MED30: variants seen among roughly 807,000 people sequenced by gnomAD.
MED30 encodes mediator complex subunit 30, also known as mediator of RNA polymerase II transcription subunit 30.
In MED30, 8 loss-of-function variants were observed where a neutral mutation model predicts 21.7. The observed-to-expected ratio is 0.37, with a 90% CI of 0.22 to 0.67. MED30 has a LOEUF of 0.67. MED30 is among the 30% of genes least tolerant of loss of function. MED30 has a pLI of 0.58. For synonymous variants in MED30, 79 were observed against 86.7 expected, an observed-to-expected ratio of 0.91 and a Z score of 0.49; for missense variants, 203 against 228.2, an observed-to-expected ratio of 0.89 and a Z score of 0.71.
chr8:117,523,129 T>C, intron 1 of MED30: 1 of 588,186 alleles, frequency 1.7e-6, no homozygotes, highest in Non-Finnish European at 3.0e-6. Flanking sequence ...TACGCAGAAC[T>C]AAACTTTTTC....
chr8:117,522,556 G>A (rs1165157992), intron 1 of MED30, among the ~76,000 whole-genome samples: 2 of 151,826 alleles, frequency 1.3e-5, no homozygotes, highest in African/African-American at 4.8e-5. Context: ...CCTAGTCAGT[G>A]GTAGGGTAAA....
intron 1 of MED30, among the ~76,000 whole-genome samples, chr8:117,527,629 T>A (rs1818737084): frequency 7.8e-6 from 1 of 128,196 alleles, no homozygotes; most frequent in African/African-American, 2.9e-5. Flanking sequence ...CTTTTCTTTT[T>A]TTCTTTCTTT....
rs1173328840 is a variant in MED30, at chr8:117,520,920, C to T, written c.44C>T (p.Pro15Leu). Reference sequence around the variant, plus strand: ...GCCGCGTCGGGGATGGCGCCCGGGCCCTTCGCCGGGCCCCAGGCTCAGCAG... The same window carrying T: ...GCCGCGTCGGGGATGGCGCCCGGGCTCTTCGCCGGGCCCCAGGCTCAGCAG... ...PLAASGMAPG[P>L]FAGPQAQQAA... The change falls in exon 1 of 4, where the codon CCC becomes CTC. Residue 15 changes from proline (P) to leucine (L), a missense_variant. Physicochemically the swap from Pro to Leu is moderately conservative, Grantham distance 98. Transcript: ENST00000297347. 4.3e-6 allele frequency: 7 copies of T among 1,609,962 alleles called. No homozygotes were observed. Among genetic ancestry groups the T allele is most frequent in the Non-Finnish European group, 4.2e-6 (5 of 1,178,480 alleles).
intron 3 of MED30, among the ~76,000 whole-genome samples, chr8:117,534,850 G>GTTTGTTT (rs1554634556): frequency 8.3e-6 from 1 of 121,048 alleles, no homozygotes; most frequent in Admixed American, 8.8e-5. Context: ...CAAACAAATT[G>GTTTGTTT]TTTTTTTTTT....
intron 1 of MED30, among the ~76,000 whole-genome samples, chr8:117,522,688 T>G (rs1818648948): frequency 6.7e-6 from 1 of 150,328 alleles, no homozygotes; most frequent in Non-Finnish European, 1.5e-5. Flanking sequence ...ATTATAAGAG[T>G]AATTCAGTTT....
chr8:117,537,780 TA>T (rs1818906572), intron 3 of MED30, among the ~76,000 whole-genome samples: 1 of 151,990 alleles, frequency 6.6e-6, no homozygotes, highest in African/African-American at 2.4e-5. Context: ...ATACTGATTA[TA>T]AAGTCTGTTT....
intron 3 of MED30, among the ~76,000 whole-genome samples, chr8:117,537,106 AG>A (rs1220840134): frequency 1.3e-5 from 2 of 152,254 alleles, no homozygotes; most frequent in Non-Finnish European, 2.9e-5. Flanking sequence ...AAATTGAAAA[AG>A]ATAGTAGGTA....
At chr8:117,533,359 T>C (rs925459978) in intron 3 of MED30, among the ~76,000 whole-genome samples, 3 of 152,122 alleles carry the variant, frequency 2.0e-5, no homozygotes, top group African/African-American at 7.2e-5. Context: ...AAGGATATAA[T>C]TGAAACAAGG....
At position 117,528,226 on chromosome 8, in the gene MED30, A is replaced by T. The variant is rs1818747263; in HGVS notation, c.178-425A>T. Among the ~76,000 whole-genome samples, 3 of 151,662 alleles carry T rather than the reference A, an allele frequency of 2.0e-5. No homozygotes were observed. The South Asian group carries it at 6.2e-4, about 31-fold the overall frequency. ...AGAATATTTTTGCAATACCAGCCAT[A>T]TATTCTTCATTTTCTTCCACTAAAA... On this transcript the variant is annotated intron_variant, in intron 1 of 3. Transcript: ENST00000297347.
In MED30 at chr8:117,520,905, G is replaced by T. The variant is rs200864519; in HGVS notation, c.29G>T (p.Gly10Val). 299 of 1,607,584 alleles carry T rather than the reference G, an allele frequency of 1.9e-4. 1 individual carries two copies. The African/African-American group carries it at 3.7e-3, about 20-fold the overall frequency. The change falls in exon 1 of 4, where the codon GGG (glycine) becomes GTG (valine). Residue 10 changes from glycine (G) to valine (V), a missense_variant. Coordinates refer to ENST00000297347, the MANE Select transcript of MED30 (RefSeq NM_080651.4). ...TCCACCCCTCCGTTGGCCGCGTCGGGGATGGCGCCCGGGCCCTTCGCCGGG... is the reference window on the plus strand; with the variant it reads ...TCCACCCCTCCGTTGGCCGCGTCGGTGATGGCGCCCGGGCCCTTCGCCGGG... MSTPPLAAS[G>V]MAPGPFAGPQ...
Position 117,532,562 on chromosome 8 carries a change from G to A in MED30, c.441+1735G>A, listed in dbSNP as rs112648315. 8.6e-3 allele frequency among the ~76,000 whole-genome samples: 1,312 copies of A among 151,944 alleles called. 5 individuals carry two copies. The highest frequency in any genetic ancestry group is 0.027 in the Middle Eastern group (8 of 294). On this transcript the variant is annotated intron_variant, in intron 3 of 3. Transcript: ENST00000297347. Reference sequence around the variant, plus strand: ...CTTTAGAAATAGAAACTTTGGGGGCGAAATTAAGCTAGCTTTTACATTACA... The same window carrying A: ...CTTTAGAAATAGAAACTTTGGGGGCAAAATTAAGCTAGCTTTTACATTACA...
At chr8:117,527,529 C>T (rs1179051895) in intron 1 of MED30, among the ~76,000 whole-genome samples, 1 of 151,736 alleles carries the variant, frequency 6.6e-6, no homozygotes, top group Non-Finnish European at 1.5e-5. Flanking sequence ...CTTTTATCAA[C>T]TATGTATAGG....
intron 1 of MED30, among the ~76,000 whole-genome samples, chr8:117,525,247 G>A (rs191422603): frequency 9.2e-5 from 14 of 151,656 alleles, no homozygotes; most frequent in Admixed American, 3.9e-4. Flanking sequence ...ATTTCTCCTA[G>A]TTTGACTGAG....
At chr8:117,538,244 A>G (rs1264562369) in intron 3 of MED30, among the ~76,000 whole-genome samples, 1 of 152,288 alleles carries the variant, frequency 6.6e-6, no homozygotes, top group East Asian at 1.9e-4. Context: ...TTTCCCGAAG[A>G]CTGTGTTAAA....
intron 1 of MED30, among the ~76,000 whole-genome samples, chr8:117,524,574 A>T (rs761875963): frequency 2.7e-4 from 41 of 152,300 alleles, no homozygotes; most frequent in Admixed American, 5.9e-4. Context: ...GGAAGATACC[A>T]TTGCTTTTGT....
intron 1 of MED30, among the ~76,000 whole-genome samples, chr8:117,525,045 C>G (rs908534188): frequency 3.9e-5 from 6 of 152,176 alleles, no homozygotes; most frequent in African/African-American, 1.4e-4. Context: ...CAAATAACCT[C>G]CTACACAAAT....
At chr8:117,523,210 GT>G (rs369071775) in intron 1 of MED30, 29,551 of 597,518 alleles carry the variant, frequency 0.049, 306 homozygotes, top group African/African-American at 0.12. Flanking sequence ...TTTTTTTTAA[GT>G]TTTTTTTTTT....
At chr8:117,525,072 C>G (rs796269466) in intron 1 of MED30, among the ~76,000 whole-genome samples, 1 of 152,082 alleles carries the variant, frequency 6.6e-6, no homozygotes, top group Admixed American at 6.5e-5. Context: ...GTATACCTGT[C>G]GGATACGTTT....
chr8:117,524,390 TAA>T (rs1482909392), intron 1 of MED30, among the ~76,000 whole-genome samples: 1 of 152,246 alleles, frequency 6.6e-6, no homozygotes, highest in African/African-American at 2.4e-5. Flanking sequence ...GCATTTGTTT[TAA>T]AGAAGTGGTT....
Sources: allele counts gnomAD v4.1 joint callset (sites outside exome capture counted in the v4.1 genomes callset), GRCh38; gene constraint gnomAD v4.1.1; transcripts MANE v1.5; gene names NCBI Gene and HGNC (gene_info 2026-07-23, HGNC 2026-07-21).